GALNT6: variants seen among roughly 807,000 people sequenced by gnomAD.
GALNT6 encodes the protein polypeptide N-acetylgalactosaminyltransferase 6.
Under a neutral mutation model 65.9 loss-of-function variants are expected in GALNT6, and 51 were observed. The observed-to-expected ratio is 0.77, with a 90% CI of 0.62 to 0.98. The LOEUF is 0.98. GALNT6 is among the 50% of genes least tolerant of loss of function. GALNT6 has a pLI of 0.00. For synonymous variants in GALNT6, 323 were observed against 315.1 expected (o/e 1.02, Z -0.26); for missense variants, 708 against 803.3 (o/e 0.88, Z 1.43).
intron 4 of GALNT6, among the ~76,000 whole-genome samples, chr12:51,370,724 T>C (rs1021831434): frequency 3.9e-5 from 6 of 152,132 alleles, no homozygotes; most frequent in Admixed American, 3.3e-4. Context: ...GTTTAATAGG[T>C]ACAGAATTTC....
chr12:51,376,057 G>A (rs1169956548), intron 4 of GALNT6, among the ~76,000 whole-genome samples: 1 of 151,926 alleles, frequency 6.6e-6, no homozygotes, highest in Non-Finnish European at 1.5e-5. Context: ...TAGAGATGGG[G>A]TTTCACCATG....
Position 51,364,312 on chromosome 12 carries a change from G to A in GALNT6, c.858C>T (p.Ile286=), listed in dbSNP as rs554358147. The A allele has an allele frequency of 7.4e-6, 12 of 1,614,162 alleles. No homozygotes were observed. In the East Asian group the frequency reaches 2.0e-4, roughly 27 times the overall value. The part of the protein sequence containing the change: ...HGWLEPLLAR[I]AEDKTVVVSP... Reference sequence around the variant, plus strand: ...TCACCACCACTGTCTTGTCCTCAGCGATTCGAGCCAGGAGGGGCTCCAGCC... The same window carrying A: ...TCACCACCACTGTCTTGTCCTCAGCAATTCGAGCCAGGAGGGGCTCCAGCC... Residue 286 remains isoleucine (I), a synonymous_variant, in exon 6 of 12, where the codon ATC becomes ATT. Coordinates refer to ENST00000356317, the MANE Select transcript of GALNT6 (RefSeq NM_007210.4).
chr12:51,354,638 T>G (rs1020993664), intron 11 of GALNT6, 146 bp from the exon 12 acceptor site: 1 of 594,670 alleles, frequency 1.7e-6, no homozygotes, highest in East Asian at 3.4e-5. Flanking sequence ...TTTCCTGCCC[T>G]CTCATGAGAC....
At chr12:51,362,855 T>G (rs1293115709) in intron 6 of GALNT6, among the ~76,000 whole-genome samples, 1 of 14,084 alleles carries the variant, frequency 7.1e-5, no homozygotes, top group Non-Finnish European at 1.7e-4. Context: ...CTGAGCAGGT[T>G]TTTTTTTTTT....
rs189067309 is a variant in GALNT6 at position 51,361,210 on chromosome 12, C to T, written c.1050-372G>A. 3.7e-3 allele frequency among the ~76,000 whole-genome samples: 567 copies of T among 152,332 alleles called. 7 individuals are homozygous for T. The highest frequency in any genetic ancestry group is 0.013 in the African/African-American group (528 of 41,584). On this transcript the variant is annotated intron_variant, in intron 6 of 11. Coordinates refer to ENST00000356317, the MANE Select transcript of GALNT6 (RefSeq NM_007210.4). ...CAGAGGTTAAAGCTACCATTAGTTACTTTTTGGCAGCAAAGTGCCTGGAGC... is the reference window on the plus strand; with the variant it reads ...CAGAGGTTAAAGCTACCATTAGTTATTTTTTGGCAGCAAAGTGCCTGGAGC...
intron 4 of GALNT6, among the ~76,000 whole-genome samples, chr12:51,373,464 TG>T (rs1947353736): frequency 6.6e-6 from 1 of 152,190 alleles, no homozygotes; most frequent in Admixed American, 6.5e-5. Flanking sequence ...AGGAAGGACA[TG>T]TTTGCTTCCC....
At chr12:51,383,898 C>T (rs1043671824) in intron 2 of GALNT6, among the ~76,000 whole-genome samples, 16 of 152,116 alleles carry the variant, frequency 1.1e-4, no homozygotes, top group Admixed American at 1.0e-3. Flanking sequence ...TTAGCAAGGT[C>T]GTGGAGGTCG....
At chr12:51,379,947 C>T in intron 2 of GALNT6, 63 bp from the exon 3 acceptor site, 1 of 709,000 alleles carries the variant, frequency 1.4e-6, no homozygotes, top group East Asian at 2.7e-5. Flanking sequence ...GAGTCGGGTG[C>T]TTGGGGTTCG....
chr12:51,363,037 G>A (rs1345588848), intron 6 of GALNT6, among the ~76,000 whole-genome samples: 2 of 152,082 alleles, frequency 1.3e-5, no homozygotes, highest in African/African-American at 4.8e-5. Flanking sequence ...GGCACGTGGA[G>A]AGGAAGAAGC....
chr12:51,360,910 T>C, intron 6 of GALNT6, 72 bp from the exon 7 acceptor site: 1 of 982,072 alleles, frequency 1.0e-6, no homozygotes, highest in East Asian at 2.5e-5. Flanking sequence ...GGAAAGCTGT[T>C]TGTGGACTCC....
chr12:51,380,615 A>C (rs1395178048), intron 2 of GALNT6, among the ~76,000 whole-genome samples: 1 of 152,240 alleles, frequency 6.6e-6, no homozygotes, highest in African/African-American at 2.4e-5. Context: ...ACATGGTGAA[A>C]CCCTGTCTCT....
chr12:51,372,575 G>T (rs1327112777), intron 4 of GALNT6, among the ~76,000 whole-genome samples: 1 of 152,114 alleles, frequency 6.6e-6, no homozygotes, highest in African/African-American at 2.4e-5. Context: ...GAGAGTCCAG[G>T]GCAACAAGTC....
intron 4 of GALNT6, among the ~76,000 whole-genome samples, chr12:51,365,858 C>A (rs1947084294): frequency 6.6e-6 from 1 of 152,186 alleles, no homozygotes; most frequent in African/African-American, 2.4e-5. Flanking sequence ...TGGGCACCCT[C>A]TCTAATGTCA....
At chr12:51,370,378 C>G (rs1332205194) in intron 4 of GALNT6, among the ~76,000 whole-genome samples, 1 of 152,124 alleles carries the variant, frequency 6.6e-6, no homozygotes, top group African/African-American at 2.4e-5. Flanking sequence ...AACCCTGTCT[C>G]TACTAAAAAT....
intron 6 of GALNT6, among the ~76,000 whole-genome samples, chr12:51,363,334 A>G (rs1946986560): frequency 6.6e-6 from 1 of 152,204 alleles, no homozygotes; most frequent in Non-Finnish European, 1.5e-5. Context: ...AGGTGAGCCC[A>G]GTGGGCATTA....
rs547648001 is a variant in GALNT6, at chr12:51,363,937, G to A, written c.1049+184C>T. On this transcript the variant is annotated intron_variant, in intron 6 of 11. Coordinates refer to ENST00000356317, the MANE Select transcript of GALNT6 (RefSeq NM_007210.4). ...TTGCTAGCTGCATGATCTTAGGTCAGTGTTTATCACTATGAGCCTTAGTAT... is the reference window on the plus strand; with the variant it reads ...TTGCTAGCTGCATGATCTTAGGTCAATGTTTATCACTATGAGCCTTAGTAT... Among the ~76,000 whole-genome samples the A allele has an allele frequency of 2.0e-5, 3 of 152,368 alleles. No individual in the cohort carries two copies. The South Asian group carries it at 6.2e-4, about 32-fold the overall frequency.
Position 51,354,401 on chromosome 12 carries a change from T to G in GALNT6, c.1847A>C (p.His616Pro). ...AMAPCNPSDP[H>P]QLWLFV Reference sequence around the variant, plus strand: ...GTCCTAGACAAAGAGCCACAACTGATGGGGGTCACTGGGATTGCAGGGGGC... The same window carrying G: ...GTCCTAGACAAAGAGCCACAACTGAGGGGGGTCACTGGGATTGCAGGGGGC... The change falls in exon 12 of 12, where the codon CAT becomes CCT. Residue 616 changes from histidine (H) to proline (P), a missense_variant. Transcript: ENST00000356317. 1 of 1,573,256 alleles carries G rather than the reference T, an allele frequency of 6.4e-7. No individual in the cohort carries two copies. The highest frequency in any genetic ancestry group is 8.6e-7 in the Non-Finnish European group (1 of 1,163,588).
chr12:51,391,175 G>C (rs1948079755), intron 1 of GALNT6, 112 bp downstream of exon 1: 1 of 152,660 alleles, frequency 6.6e-6, no homozygotes, highest in Non-Finnish European at 1.5e-5. Flanking sequence ...TGCCGTACCA[G>C]AGCACATGGG....
intron 6 of GALNT6, among the ~76,000 whole-genome samples, chr12:51,361,440 TTTGGG>T (rs1328787377): frequency 6.6e-6 from 1 of 152,068 alleles, no homozygotes; most frequent in Non-Finnish European, 1.5e-5. Flanking sequence ...AAACTGTAGA[TTTGGG>T]GAGAAGTTGC....
Sources: allele counts gnomAD v4.1 joint callset (sites outside exome capture counted in the v4.1 genomes callset), GRCh38; gene constraint gnomAD v4.1.1; transcripts MANE v1.5; gene names NCBI Gene and HGNC (gene_info 2026-07-23, HGNC 2026-07-21).